SDK1: variants seen among roughly 807,000 people sequenced by gnomAD.
SDK1 encodes sidekick cell adhesion molecule 1.
In SDK1, 157 loss-of-function variants were observed where a neutral mutation model predicts 245.5. That is an observed-to-expected ratio of 0.64 (90% CI 0.56 to 0.73). The LOEUF is 0.73. Ranked by LOEUF, SDK1 falls within the 30% of genes least tolerant of loss-of-function variation. SDK1 has a pLI of 0.00. For synonymous variants in SDK1, 1,647 were observed against 1,278.5 expected (o/e 1.29, Z -6.15); for missense variants, 3,583 against 3,002.3 (o/e 1.19, Z -4.52).
chr7:3,821,398 T>C (rs1379971727), intron 4 of SDK1, 52 bp from the exon 5 acceptor site: 1 of 1,569,200 alleles, frequency 6.4e-7, no homozygotes, highest in African/African-American at 1.4e-5. Flanking sequence ...GTCTTACAAG[T>C]AGGAAGTTCC....
intron 5 of SDK1, among the ~76,000 whole-genome samples, chr7:3,948,959 C>T (rs114394016): frequency 9.8e-4 from 149 of 152,322 alleles, no homozygotes; most frequent in African/African-American, 3.6e-3. Context: ...CTTCTCCGGC[C>T]GTTTCTCCTC....
chr7:3,362,393 T>C (rs1004941903), intron 1 of SDK1, among the ~76,000 whole-genome samples: 5 of 152,222 alleles, frequency 3.3e-5, no homozygotes, highest in African/African-American at 1.2e-4. Flanking sequence ...GTGGTGATCT[T>C]ATTTGAGTAG....
In SDK1 at chr7:3,648,161, G is replaced by T. The variant is rs116221774; in HGVS notation, c.713+6056G>T. ...AATTGTTCTGTGTTATTTTGGTTTA[G>T]ATATATTTTCTTTATTTCCATTTAT... On this transcript the variant is annotated intron_variant, in intron 4 of 44. Transcript: ENST00000404826. 2.1e-3 allele frequency among the ~76,000 whole-genome samples: 313 copies of T among 152,246 alleles called. 1 individual carries two copies. The highest frequency in any genetic ancestry group is 6.8e-3 in the African/African-American group (281 of 41,560).
At chr7:3,561,443 G>T (rs17751407) in intron 1 of SDK1, among the ~76,000 whole-genome samples, 2,224 of 152,208 alleles carry the variant, frequency 0.015, 31 homozygotes, top group Non-Finnish European at 0.023. Context: ...CTACGTGTTA[G>T]ACTCCACAAG....
intron 5 of SDK1, among the ~76,000 whole-genome samples, chr7:3,889,056 C>A (rs529780024): frequency 5.9e-5 from 9 of 152,120 alleles, no homozygotes; most frequent in Admixed American, 2.6e-4. Context: ...CATAATCAAC[C>A]GTGGCTCTTG....
rs531960060 is a variant in SDK1, at chr7:3,557,424, A to T, written c.299-61656A>T. Among the ~76,000 whole-genome samples, 6 of 152,296 alleles carry T rather than the reference A, an allele frequency of 3.9e-5. No homozygotes were observed. In the East Asian group the frequency reaches 1.2e-3, roughly 29 times the overall value. On this transcript the variant is annotated intron_variant, in intron 1 of 44. Coordinates refer to ENST00000404826, the MANE Select transcript of SDK1 (RefSeq NM_152744.4). ...TGAAGAGTCCTGTAACCATTAGGGA[A>T]ATGGAGAGAGGGTAGTGGCTATGGT...
intron 4 of SDK1, chr7:3,643,039 C>G (rs1782699421): frequency 2.6e-5 from 4 of 152,292 alleles, no homozygotes; most frequent in East Asian, 1.9e-4. Flanking sequence ...CACCTGCTCT[C>G]TCCCCTACCT....
At chr7:3,780,979 A>G (rs922002643) in intron 4 of SDK1, among the ~76,000 whole-genome samples, 4 of 152,132 alleles carry the variant, frequency 2.6e-5, no homozygotes, top group African/African-American at 9.7e-5. Context: ...GTAAGCAGGG[A>G]GACTCCCACC....
intron 13 of SDK1, among the ~76,000 whole-genome samples, chr7:3,980,501 C>T (rs1260893268): frequency 6.6e-6 from 1 of 152,160 alleles, no homozygotes; most frequent in African/African-American, 2.4e-5. Flanking sequence ...TCAAAGCTGG[C>T]AGAGTAATGC....
intron 29 of SDK1, among the ~76,000 whole-genome samples, chr7:4,148,684 G>C (rs1780151756): frequency 6.6e-6 from 1 of 152,232 alleles, no homozygotes; most frequent in Non-Finnish European, 1.5e-5. Context: ...GTGCCTGGTG[G>C]TCTGGCAGCC....
At chr7:3,574,563 A>G (rs2128630583) in intron 1 of SDK1, among the ~76,000 whole-genome samples, 1 of 152,156 alleles carries the variant, frequency 6.6e-6, no homozygotes, top group Non-Finnish European at 1.5e-5. Flanking sequence ...CCTCCCCACT[A>G]TGCCCTTGGC....
At chr7:3,333,508 A>G (rs753251518) in intron 1 of SDK1, among the ~76,000 whole-genome samples, 37 of 152,040 alleles carry the variant, frequency 2.4e-4, no homozygotes, top group Admixed American at 3.9e-4. Flanking sequence ...GACTACTTGT[A>G]TGTTGGCAGT....
intron 1 of SDK1, among the ~76,000 whole-genome samples, chr7:3,558,893 G>C (rs1779667701): frequency 6.6e-6 from 1 of 152,106 alleles, no homozygotes; most frequent in Non-Finnish European, 1.5e-5. Context: ...CATTTCATTA[G>C]ACAAATGTAT....
At chr7:4,245,636 T>C in intron 43 of SDK1, 40 bp from the exon 44 acceptor site, 2 of 1,602,828 alleles carry the variant, frequency 1.2e-6, no homozygotes, top group Non-Finnish European at 8.5e-7. Context: ...AAGGGCGTCT[T>C]TTGCCCAGAG....
At position 3,580,996 on chromosome 7, in the gene SDK1, C is replaced by CAAAAAAAAAAAAAAAAAAAA. The variant is rs1418335916; in HGVS notation, c.299-38080_299-38079insAAAAAAAAAAAAAAAAAAAA. Among the ~76,000 whole-genome samples the CAAAAAAAAAAAAAAAAAAAA allele has an allele frequency of 7.5e-5, 7 of 92,956 alleles. 2 individuals carry two copies. The highest frequency in any genetic ancestry group is 2.7e-4 in the African/African-American group (6 of 22,506). 61.0% of individuals were successfully genotyped at this position (92,956 alleles called of 152,430 possible). A position where few individuals can be genotyped will look rare whatever the true frequency, so the allele number is the denominator to read the frequency against. Reference sequence around the variant, plus strand: ...AAAAAAAAAAAAAAAAAAAAAAAACCAAAACAAAACCCTGGAAGACAATCT... The same window carrying CAAAAAAAAAAAAAAAAAAAA: ...AAAAAAAAAAAAAAAAAAAAAAAACCAAAAAAAAAAAAAAAAAAAAAAAACAAAACCCTGGAAGACAATCT... On this transcript the variant is annotated intron_variant, in intron 1 of 44. Transcript: ENST00000404826.
intron 1 of SDK1, among the ~76,000 whole-genome samples, chr7:3,611,477 C>T (rs1164654269): frequency 1.3e-5 from 2 of 152,190 alleles, no homozygotes; most frequent in African/African-American, 2.4e-5. Flanking sequence ...TGCCTTTTCT[C>T]AGCTTAGCAG....
chr7:3,430,371 C>A (rs1380657461), intron 1 of SDK1, among the ~76,000 whole-genome samples: 1 of 152,100 alleles, frequency 6.6e-6, no homozygotes, highest in Non-Finnish European at 1.5e-5. Context: ...AATTCCAAGA[C>A]TACAAGCGTA....
Position 3,591,637 on chromosome 7 carries a change from C to T in SDK1, c.299-27443C>T, listed in dbSNP as rs183165233. Reference sequence around the variant, plus strand: ...ATATCTTGGTAGATTTGCAGTGGGTCTGCTGTACGTTGATGGGTGGGAAGT... The same window carrying T: ...ATATCTTGGTAGATTTGCAGTGGGTTTGCTGTACGTTGATGGGTGGGAAGT... On this transcript the variant is annotated intron_variant, in intron 1 of 44. Coordinates refer to ENST00000404826, the MANE Select transcript of SDK1 (RefSeq NM_152744.4). Among the ~76,000 whole-genome samples the T allele has an allele frequency of 5.3e-5, 8 of 152,288 alleles. No homozygotes were observed. The East Asian group carries it at 1.5e-3, about 29-fold the overall frequency.
chr7:3,566,715 A>G (rs1562567658), intron 1 of SDK1, among the ~76,000 whole-genome samples: 1 of 150,046 alleles, frequency 6.7e-6, no homozygotes, highest in Admixed American at 6.6e-5. Context: ...GCAAGAAACT[A>G]CTGCCAAAAA....
Sources: gnomAD v4.1 joint callset for allele counts (sites outside exome capture counted in the v4.1 genomes callset) on GRCh38, gnomAD v4.1.1 for gene constraint, MANE v1.5 for transcripts, NCBI Gene and HGNC (gene_info 2026-07-23, HGNC 2026-07-21) for gene names.